SLC17A3: variants seen among roughly 807,000 people sequenced by gnomAD.
SLC17A3 encodes the protein sodium-dependent phosphate transport protein 4.
SLC17A3 carries 61 observed loss-of-function variants against 60.3 expected under a neutral mutation model. The observed-to-expected ratio is 1.01, with a 90% CI of 0.82 to 1.25. The LOEUF (loss-of-function observed/expected upper bound fraction) is 1.25. Ranked by LOEUF, SLC17A3 falls within the 50% of genes most tolerant of loss-of-function variation. The pLI is 0.00. For missense variants in SLC17A3, 624 were observed against 594.9 expected (o/e 1.05, Z -0.51); for synonymous variants, 192 against 208.9 (o/e 0.92, Z 0.70).
rs1765254858 is a variant in SLC17A3, at chr6:25,850,469, T to C, written c.983A>G (p.Asn328Ser). The change falls in exon 8 of 13, where the codon AAC becomes AGC. Residue 328 changes from asparagine (N) to serine (S), a missense_variant. Transcript: ENST00000397060. ...AGGAAACATACTCACGTCTCTGATG[T>C]TAACATGGTACACAGAGCTGATGTA... ...PTYISSVYHV[N>S]IRDNGLLSAL... is the part of the protein sequence containing the mutation. 10 of 1,613,868 alleles carry C rather than the reference T, an allele frequency of 6.2e-6. No homozygotes were observed. The highest frequency in any genetic ancestry group is 7.6e-6 in the Non-Finnish European group (9 of 1,179,826).
At chr6:25,869,712 C>T (rs1366864768) in intron 1 of SLC17A3, among the ~76,000 whole-genome samples, 1 of 151,964 alleles carries the variant, frequency 6.6e-6, no homozygotes, top group Non-Finnish European at 1.5e-5. Flanking sequence ...AAGACTTCTT[C>T]ACTACCATGA....
chr6:25,845,049 C>T lies in SLC17A3; in HGVS notation c.*252G>A, dbSNP rs1163863729. On this transcript the variant is annotated 3_prime_UTR_variant, in exon 13 of 13. Coordinates refer to ENST00000397060, the MANE Select transcript of SLC17A3 (RefSeq NM_001098486.2). ...ATGGAATCTAACATACTGGGTCCCA[C>T]ACAGCAAGCCCTCTTAATCCATTGT... 4 of 279,964 alleles carry T rather than the reference C, an allele frequency of 1.4e-5. No individual in the cohort carries two copies. Among genetic ancestry groups the T allele is most frequent in the Non-Finnish European group, 2.8e-5 (4 of 144,474 alleles). 17.3% of individuals were successfully genotyped at this position (279,964 alleles called of 1,614,324 possible). A position where few individuals can be genotyped will look rare whatever the true frequency, so the allele number is the denominator to read the frequency against.
At position 25,861,710 on chromosome 6, in the gene SLC17A3, G is replaced by A; in HGVS notation, c.539C>T (p.Ser180Phe). Residue 180 changes from serine to phenylalanine, a missense_variant and splice_region_variant, in exon 5 of 13, where the codon TCC becomes TTC. By Grantham distance (155) the Ser-to-Phe change is radical. Coordinates refer to ENST00000397060, the MANE Select transcript of SLC17A3 (RefSeq NM_001098486.2). The stretch of plus-strand genomic sequence containing the variant: ...TGCAAACTGACCCCCAAGTATTGAG[G>A]ACTGAAATTAAAATGATTAGAGTTC... Reference protein sequence around the residue: ...VTRIVQGLSQSSILGGQFAIW... With the variant: ...VTRIVQGLSQFSILGGQFAIW... 1 of 1,613,736 alleles carries A rather than the reference G, an allele frequency of 6.2e-7. No individual in the cohort carries two copies. The highest frequency in any genetic ancestry group is 8.5e-7 in the Non-Finnish European group (1 of 1,179,654).
intron 5 of SLC17A3, among the ~76,000 whole-genome samples, chr6:25,861,299 A>C (rs1343715744): frequency 1.3e-5 from 2 of 151,022 alleles, no homozygotes; most frequent in Non-Finnish European, 2.9e-5. Flanking sequence ...ATATAAACTG[A>C]AGAAAAAAAA....
At chr6:25,864,255 C>T (rs1765500040) in intron 2 of SLC17A3, among the ~76,000 whole-genome samples, 1 of 151,802 alleles carries the variant, frequency 6.6e-6, no homozygotes, top group South Asian at 2.1e-4. Flanking sequence ...GACATGTGGG[C>T]CATTGCAGGT....
At chr6:25,847,220 C>T (rs958909887) in intron 11 of SLC17A3, among the ~76,000 whole-genome samples, 5 of 152,128 alleles carry the variant, frequency 3.3e-5, no homozygotes, top group African/African-American at 1.2e-4. Flanking sequence ...TAATGGCCTC[C>T]AGCACCATCC....
rs752475287 is a variant in SLC17A3 at position 25,862,354 on chromosome 6, A to G, written c.182T>C (p.Ile61Thr). Reference protein sequence around the residue: ...TTIAQNVIMNITMVAMVNSTS... With the variant: ...TTIAQNVIMNTTMVAMVNSTS... ...GCTGTTGACCATGGCTACCATGGTG[A>G]TGTTCATGATGACATTTTGTGCTAT... The change falls in exon 3 of 13, where the codon ATC becomes ACC. Residue 61 changes from isoleucine to threonine, a missense_variant. Coordinates refer to ENST00000397060, the MANE Select transcript of SLC17A3 (RefSeq NM_001098486.2). The G allele has an allele frequency of 3.7e-6, 6 of 1,613,804 alleles. No individual in the cohort carries two copies. The South Asian group carries it at 6.6e-5, about 18-fold the overall frequency.
chr6:25,863,586 C>T (rs557474368), intron 2 of SLC17A3, among the ~76,000 whole-genome samples: 2 of 151,720 alleles, frequency 1.3e-5, no homozygotes, highest in African/African-American at 2.4e-5. Flanking sequence ...CTTTTTTCTG[C>T]GTGGGAAGAA....
chr6:25,845,196 A>C lies in SLC17A3; in HGVS notation c.*105T>G. On this transcript the variant is annotated 3_prime_UTR_variant, in exon 13 of 13. Transcript: ENST00000397060. ...ATGAACTGATCTCATAATTGAAAAGAGCCACAGGAAAAAAAAAATCTTTTC... is the reference window on the plus strand; with the variant it reads ...ATGAACTGATCTCATAATTGAAAAGCGCCACAGGAAAAAAAAAATCTTTTC... 5.6e-6 allele frequency: 3 copies of C among 539,188 alleles called. No homozygotes were observed. The highest frequency in any genetic ancestry group is 9.2e-6 in the Non-Finnish European group (3 of 325,716). The allele number at this position is 539,188 out of a possible 1,614,324, so 33.4% of individuals were successfully genotyped here. A position where few individuals can be genotyped will look rare whatever the true frequency, so the allele number is the denominator to read the frequency against.
At chr6:25,868,730 G>T (rs2151527908) in intron 1 of SLC17A3, among the ~76,000 whole-genome samples, 1 of 152,064 alleles carries the variant, frequency 6.6e-6, no homozygotes, top group South Asian at 2.1e-4. Flanking sequence ...GAGCACATTT[G>T]TGTGTTTCAG....
chr6:25,850,482 C>G lies in SLC17A3; in HGVS notation c.970G>C (p.Val324Leu), dbSNP rs1007411045. 1.9e-6 allele frequency: 3 copies of G among 1,613,748 alleles called. No homozygotes were observed. In the African/African-American group the frequency reaches 4.0e-5, roughly 22 times the overall value. Residue 324 changes from valine (V) to leucine (L), a missense_variant, in exon 8 of 13, where the codon GTG becomes CTG. Physicochemically the swap from Val to Leu is conservative, Grantham distance 32 (BLOSUM62 1). Coordinates refer to ENST00000397060, the MANE Select transcript of SLC17A3 (RefSeq NM_001098486.2). ...ACGTCTCTGATGTTAACATGGTACA[C>G]AGAGCTGATGTAAGTTGGTATGTAT... ...VVYIPTYISS[V>L]YHVNIRDNGL...
At chr6:25,856,056 C>T (rs1765351296) in intron 5 of SLC17A3, among the ~76,000 whole-genome samples, 3 of 152,168 alleles carry the variant, frequency 2.0e-5, no homozygotes, top group Admixed American at 2.0e-4. Context: ...CAGAAGTGGA[C>T]TTGCTAGGTC....
intron 1 of SLC17A3, among the ~76,000 whole-genome samples, chr6:25,871,855 C>T (rs1765646901): frequency 6.6e-6 from 1 of 151,558 alleles, no homozygotes; most frequent in Non-Finnish European, 1.5e-5. Flanking sequence ...AATGAAACAA[C>T]CAAACAGACA....
chr6:25,865,265 G>C (rs1232250886), intron 2 of SLC17A3, among the ~76,000 whole-genome samples: 5 of 152,086 alleles, frequency 3.3e-5, no homozygotes, highest in South Asian at 4.1e-4. Context: ...CGTGCACCCA[G>C]CTGTAGGGTT....
intron 1 of SLC17A3, among the ~76,000 whole-genome samples, chr6:25,873,898 G>C (rs996027862): frequency 1.3e-5 from 2 of 152,070 alleles, no homozygotes; most frequent in African/African-American, 4.8e-5. Context: ...CACCTCGCAA[G>C]AGTGCCTATT....
intron 1 of SLC17A3, among the ~76,000 whole-genome samples, chr6:25,871,625 C>T (rs191998612): frequency 3.0e-4 from 45 of 151,894 alleles, no homozygotes; most frequent in Admixed American, 2.6e-3. Flanking sequence ...TACCCTAAAA[C>T]TTAAAGTGTA....
At chr6:25,858,902 T>C (rs1765402918) in intron 5 of SLC17A3, among the ~76,000 whole-genome samples, 1 of 152,248 alleles carries the variant, frequency 6.6e-6, no homozygotes, top group Non-Finnish European at 1.5e-5. Context: ...CTGTATCATA[T>C]ATATGTTCAT....
chr6:25,855,621 A>G (rs2151521765), intron 5 of SLC17A3, among the ~76,000 whole-genome samples: 1 of 152,298 alleles, frequency 6.6e-6, no homozygotes. Context: ...ATAATTGCAT[A>G]CCTTTTCTTT....
chr6:25,849,509 A>T, intron 10 of SLC17A3, 45 bp from the exon 11 acceptor site: 1 of 1,191,034 alleles, frequency 8.4e-7, no homozygotes, highest in Non-Finnish European at 1.3e-6. Context: ...GAGATGTTTG[A>T]CAGTATCCTT....
Sources: allele counts gnomAD v4.1 joint callset (sites outside exome capture counted in the v4.1 genomes callset), GRCh38; gene constraint gnomAD v4.1.1; transcripts MANE v1.5; gene names NCBI Gene and HGNC (gene_info 2026-07-23, HGNC 2026-07-21).